The following SORBS2 variants were observed in gnomAD, a reference collection of about 807,000 sequenced individuals.
The protein encoded by SORBS2 is sorbin and SH3 domain containing 2.
In SORBS2, 46 loss-of-function variants were observed where a neutral mutation model predicts 97.7. The ratio of observed to expected loss-of-function variants is 0.47; its 90% confidence interval spans 0.37 to 0.60. The LOEUF (loss-of-function observed/expected upper bound fraction) is 0.60, where lower values mean the gene tolerates loss of function less well. Among genes scored for constraint, SORBS2 ranks in the 20% least tolerant of loss-of-function variants. The probability of loss-of-function intolerance (pLI) is 0.00; values close to 1 mark genes in which losing one functional copy is unlikely to be tolerated. For synonymous variants in SORBS2, 476 were observed against 473.4 expected (o/e 1.01, Z -0.07); for missense variants, 1,316 against 1,282.3 (o/e 1.03, Z -0.40).
intron 4 of SORBS2, among the ~76,000 whole-genome samples, chr4:185,664,871 A>T (rs1025737758): frequency 6.0e-5 from 9 of 150,116 alleles, no homozygotes; most frequent in South Asian, 2.1e-4. Flanking sequence ...ATATCAATTT[A>T]AAAAAAAAAT....
At chr4:185,856,833 T>G (rs1403500822) in intron 1 of SORBS2, among the ~76,000 whole-genome samples, 1 of 152,100 alleles carries the variant, frequency 6.6e-6, no homozygotes, top group Non-Finnish European at 1.5e-5. Flanking sequence ...TCATAGAAGA[T>G]GAAGGAGAAG....
At chr4:185,603,237 G>T (rs79261181) in intron 12 of SORBS2, among the ~76,000 whole-genome samples, 1 of 151,088 alleles carries the variant, frequency 6.6e-6, no homozygotes, top group South Asian at 2.1e-4. Context: ...CTTAAAAACC[G>T]AAGAACAAGT....
chr4:185,704,690 GTTCCCTCTCCCTCAACTCTC>G (rs2098316344), intron 2 of SORBS2, among the ~76,000 whole-genome samples: 1 of 151,498 alleles, frequency 6.6e-6, no homozygotes, highest in African/African-American at 2.5e-5. Context: ...TACCCTGGAT[GTTCCCTCTCCCTCAACTCTC>G]CATGTTTTGA....
chr4:185,589,961 G>A (rs1404085461), intron 13 of SORBS2, 176 bp from the exon 26 acceptor site: 8 of 502,454 alleles, frequency 1.6e-5, no homozygotes, highest in Admixed American at 3.4e-5. Context: ...AGCCTGGTAA[G>A]CAGGTACATA....
intron 1 of SORBS2, among the ~76,000 whole-genome samples, chr4:185,924,149 T>C (rs1162733341): frequency 6.6e-6 from 1 of 152,134 alleles, no homozygotes; most frequent in African/African-American, 2.4e-5. Context: ...AGTGTGAGGA[T>C]AGATATACAG....
intron 2 of SORBS2, among the ~76,000 whole-genome samples, chr4:185,761,747 AG>A (rs1336839796): frequency 1.3e-5 from 2 of 152,194 alleles, no homozygotes; most frequent in Non-Finnish European, 2.9e-5. Flanking sequence ...ATTGAATCTG[AG>A]TTCCATGCCC....
At chr4:185,949,792 T>A (rs2099276296) in intron 1 of SORBS2, among the ~76,000 whole-genome samples, 1 of 152,106 alleles carries the variant, frequency 6.6e-6, no homozygotes, top group African/African-American at 2.4e-5. Flanking sequence ...GAGACCTATT[T>A]GGGAACTATA....
At chr4:185,616,004 C>G (rs2096620667) in intron 9 of SORBS2, among the ~76,000 whole-genome samples, 1 of 152,144 alleles carries the variant, frequency 6.6e-6, no homozygotes, top group Non-Finnish European at 1.5e-5. Context: ...CTTAATCACC[C>G]AGGTGATTAG....
At chr4:185,676,541 A>G (rs1020271604) in intron 4 of SORBS2, among the ~76,000 whole-genome samples, 2 of 152,280 alleles carry the variant, frequency 1.3e-5, no homozygotes, top group African/African-American at 4.8e-5. Flanking sequence ...ATTGCTTAAA[A>G]TTAAGATAAC....
At chr4:185,666,039 C>G (rs1044798485) in intron 4 of SORBS2, 32 of 1,289,466 alleles carry the variant, frequency 2.5e-5, no homozygotes, top group Non-Finnish European at 3.0e-5. Flanking sequence ...CATCGGGGGG[C>G]GGAAGGCTGA....
chr4:185,789,064 G>A (rs766148450), intron 1 of SORBS2, among the ~76,000 whole-genome samples: 3 of 152,120 alleles, frequency 2.0e-5, no homozygotes, highest in Non-Finnish European at 4.4e-5. Context: ...ACACACCTGC[G>A]CTCTGGACTC....
chr4:185,955,869 T>TCCCCCAGGTCTC (rs1303170939), intron 1 of SORBS2, among the ~76,000 whole-genome samples: 1 of 151,900 alleles, frequency 6.6e-6, no homozygotes, highest in Non-Finnish European at 1.5e-5. Flanking sequence ...CCCCAGGTCT[T>TCCCCCAGGTCTC]CCCCCAGGTC....
chr4:185,646,726 G>A, exon 4 of SORBS2: 2 of 1,613,896 alleles, frequency 1.2e-6, no homozygotes, highest in Non-Finnish European at 1.7e-6. Flanking sequence ...AATACTCCTT[G>A]GCTCAGACCG....
At chr4:185,778,135 A>G (rs1385462479) in intron 1 of SORBS2, among the ~76,000 whole-genome samples, 3 of 152,192 alleles carry the variant, frequency 2.0e-5, no homozygotes, top group African/African-American at 7.2e-5. Flanking sequence ...TTACTTTTTC[A>G]AATCTGACTG....
chr4:185,933,451 A>T (rs776159274), intron 1 of SORBS2: 7 of 152,178 alleles, frequency 4.6e-5, no homozygotes, highest in Admixed American at 4.6e-4. Context: ...GAAATGCATT[A>T]TCTCACAGTT....
chr4:185,811,539 G>A (rs1249520303), intron 1 of SORBS2, 125 bp downstream of exon 1: 1 of 152,206 alleles, frequency 6.6e-6, no homozygotes, highest in Non-Finnish European at 1.5e-5. Flanking sequence ...GTGTATGCGT[G>A]TGTGTATGTG....
At chr4:185,705,948 G>A (rs2098336238) in intron 2 of SORBS2, among the ~76,000 whole-genome samples, 2 of 152,166 alleles carry the variant, frequency 1.3e-5, no homozygotes, top group Non-Finnish European at 2.9e-5. Context: ...GGAATCTCTA[G>A]ATGATTTAGA....
At chr4:185,836,460 A>G (rs962074694) in intron 1 of SORBS2, among the ~76,000 whole-genome samples, 4 of 152,242 alleles carry the variant, frequency 2.6e-5, no homozygotes, top group African/African-American at 7.2e-5. Flanking sequence ...GTCTTTCATA[A>G]TAGTTTAGTA....
chr4:185,623,227 A>G lies in SORBS2; in HGVS notation c.1902T>C (p.Ala634=), dbSNP rs2096747160. 1.2e-6 allele frequency: 2 copies of G among 1,614,022 alleles called. No individual in the cohort carries two copies. Among genetic ancestry groups the G allele is most frequent in the South Asian group, 2.2e-5 (2 of 91,080 alleles). The change falls in exon 7 of 15, where the codon GCT becomes GCC. Residue 634 remains alanine, a synonymous_variant. Transcript: ENST00000418609. The surrounding 1 kb of genome is among the most constrained non-coding windows in gnomAD (Gnocchi z 6.4). ...AGATGTCTTTAAGGGCAGAGTCCAG[A>G]GCCTCAAACACAGATGCTTTACATT...
Sources: gnomAD v4.1 joint callset for allele counts (sites outside exome capture counted in the v4.1 genomes callset) on GRCh38, gnomAD v4.1.1 for gene constraint, Gnocchi (gnomAD v3.1) non-coding constraint, MANE v1.5 for transcripts, NCBI Gene and HGNC (gene_info 2026-07-23, HGNC 2026-07-21) for gene names.